ZGPAT: variants seen among roughly 807,000 people sequenced by gnomAD.
The protein encoded by ZGPAT is zinc finger CCCH-type with G patch domain-containing protein.
Under a neutral mutation model 47.9 loss-of-function variants are expected in ZGPAT, and 39 were observed. The observed-to-expected ratio is 0.81, with a 90% CI of 0.63 to 1.06. The LOEUF (loss-of-function observed/expected upper bound fraction) is 1.06. Among genes scored for constraint, ZGPAT ranks in the 50% least tolerant of loss-of-function variants. The probability of loss-of-function intolerance (pLI) is 0.00; values close to 1 mark genes in which losing one functional copy is unlikely to be tolerated. For missense variants in ZGPAT, 717 were observed against 681.4 expected (o/e 1.05, Z -0.58); for synonymous variants, 348 against 292.9 (o/e 1.19, Z -1.92).
chr20:63,728,501 C>A (rs1277921084), intron 2 of ZGPAT, among the ~76,000 whole-genome samples: 4 of 152,138 alleles, frequency 2.6e-5, no homozygotes, highest in African/African-American at 9.7e-5. Context: ...TCAGCCAGCC[C>A]CTCTCTCTTT....
At chr20:63,731,950 C>T (rs1213887032) in intron 2 of ZGPAT, among the ~76,000 whole-genome samples, 5 of 152,188 alleles carry the variant, frequency 3.3e-5, no homozygotes, top group South Asian at 2.1e-4. Context: ...TATGCAAACA[C>T]TATGTCATTA....
chr20:63,714,709 C>G (rs796902181), intron 2 of ZGPAT, among the ~76,000 whole-genome samples: 24 of 152,060 alleles, frequency 1.6e-4, no homozygotes, highest in African/African-American at 5.8e-4. Flanking sequence ...GTGGCATGAT[C>G]ATGGCTCACT....
intron 2 of ZGPAT, among the ~76,000 whole-genome samples, chr20:63,714,427 T>TAA (rs553069740): frequency 6.7e-5 from 9 of 133,436 alleles, no homozygotes; most frequent in Non-Finnish European, 9.5e-5. Flanking sequence ...ACCCTGTCTT[T>TAA]AAAAAAAAAA....
rs1476825238 is a variant in ZGPAT, at chr20:63,732,703, CAT to C, written c.585-515_585-514del. ...GTGCATGTGTGTATGCATGTGTATA[CAT>C]GTGTACTTGTGTATGTGTATATGTG... On this transcript the variant is annotated intron_variant, in intron 2 of 6. Coordinates refer to ENST00000355969, the MANE Select transcript of ZGPAT (RefSeq NM_181485.3). Among the ~76,000 whole-genome samples the C allele has an allele frequency of 6.1e-5, 9 of 147,458 alleles. No individual in the cohort carries two copies. In the South Asian group the frequency reaches 1.1e-3, roughly 18 times the overall value.
At chr20:63,733,071 CGT>C in intron 2 of ZGPAT, 146 bp from the exon 3 acceptor site, 3 of 994,814 alleles carry the variant, frequency 3.0e-6, no homozygotes, top group East Asian at 5.2e-5. Flanking sequence ...TATGTGTGTG[CGT>C]GAGTGTGTGA....
chr20:63,718,367 G>A (rs2091753594), intron 2 of ZGPAT, among the ~76,000 whole-genome samples: 1 of 151,364 alleles, frequency 6.6e-6, no homozygotes, highest in Non-Finnish European at 1.5e-5. Flanking sequence ...GTCTTGCTCT[G>A]TCGCCCAGGC....
chr20:63,733,079 TGTGA>T lies in ZGPAT; in HGVS notation c.585-138_585-135del, dbSNP rs1489283863. Reference sequence around the variant, plus strand: ...GCGTGTGTATGTGTGTGCGTGAGTGTGTGAGAGTGTGTATGTATACGCACGCGTG... The same window carrying T: ...GCGTGTGTATGTGTGTGCGTGAGTGTGAGTGTGTATGTATACGCACGCGTG... On this transcript the variant is annotated intron_variant, in intron 2 of 6. Transcript: ENST00000355969. The T allele has an allele frequency of 1.1e-5, 12 of 1,069,636 alleles. No homozygotes were observed. In the African/African-American group the frequency reaches 1.3e-4, roughly 11 times the overall value. 66.3% of individuals were successfully genotyped at this position (1,069,636 alleles called of 1,614,324 possible). A position where few individuals can be genotyped will look rare whatever the true frequency, so the allele number is the denominator to read the frequency against.
chr20:63,717,316 ATC>A (rs1209229500), intron 2 of ZGPAT, among the ~76,000 whole-genome samples: 1 of 105,376 alleles, frequency 9.5e-6, no homozygotes, highest in Non-Finnish European at 2.0e-5. Context: ...TTGATTTGAG[ATC>A]TCTTTTTTCT....
At chr20:63,730,970 C>CTG (rs139077471) in intron 2 of ZGPAT, among the ~76,000 whole-genome samples, 189 of 115,096 alleles carry the variant, frequency 1.6e-3, no homozygotes, top group East Asian at 2.8e-3. Context: ...CTCTCTCTCT[C>CTG]TGTGTGTGTG....
chr20:63,733,865 A>T, intron 4 of ZGPAT, 126 bp downstream of exon 4: 1 of 1,327,394 alleles, frequency 7.5e-7, no homozygotes, highest in Non-Finnish European at 1.0e-6. Flanking sequence ...CGAGGGTGCC[A>T]CCTGTGCCTG....
chr20:63,716,301 A>T (rs996498425), intron 2 of ZGPAT, among the ~76,000 whole-genome samples: 13 of 152,182 alleles, frequency 8.5e-5, no homozygotes, highest in African/African-American at 3.1e-4. Flanking sequence ...AAGTGCTGGG[A>T]CTACAGACAT....
intron 4 of ZGPAT, chr20:63,734,432 G>C (rs1045421028): frequency 1.5e-5 from 8 of 546,740 alleles, no homozygotes; most frequent in Non-Finnish European, 2.5e-5. Flanking sequence ...AGAGGGCTGC[G>C]GAGGAGGGGC....
At chr20:63,724,452 C>T (rs2091822766) in intron 2 of ZGPAT, among the ~76,000 whole-genome samples, 1 of 151,114 alleles carries the variant, frequency 6.6e-6, no homozygotes, top group Non-Finnish European at 1.5e-5. Context: ...GAGGCCAAGG[C>T]AGGAGGATCA....
intron 2 of ZGPAT, 81 bp from the exon 3 acceptor site, chr20:63,733,138 G>A: frequency 6.4e-7 from 1 of 1,559,868 alleles, no homozygotes; most frequent in Non-Finnish European, 8.7e-7. Flanking sequence ...ACAGTGCCCA[G>A]GCGGATGGGT....
chr20:63,733,526 G>A, intron 3 of ZGPAT, 61 bp from the exon 4 acceptor site: 2 of 1,613,084 alleles, frequency 1.2e-6, no homozygotes, highest in South Asian at 2.2e-5. Context: ...TGTCCAGGGT[G>A]GTTCCCTTCA....
chr20:63,708,982 G>A lies in ZGPAT; in HGVS notation c.402G>A (p.Val134=), dbSNP rs370031085. The A allele has an allele frequency of 2.5e-6, 4 of 1,613,460 alleles. No individual in the cohort carries two copies. In the African/African-American group the frequency reaches 5.3e-5, roughly 22 times the overall value. ...AGGAAGAGCTGAGTGGGACAAAGGT[G>A]AGCGCGCCCTACTACAGCTCCTGGG... is the stretch of plus-strand genomic sequence containing the variant. ...EDEEELSGTK[V]SAPYYSSWGT... The change falls in exon 2 of 7, where the codon GTG becomes GTA. Residue 134 remains valine (V), a synonymous_variant. Transcript: ENST00000355969.
intron 2 of ZGPAT, among the ~76,000 whole-genome samples, chr20:63,732,636 G>T (rs2145697100): frequency 9.6e-6 from 1 of 104,018 alleles, no homozygotes; most frequent in African/African-American, 3.9e-5. Flanking sequence ...TATGACGTGT[G>T]AGTACATGTG....
intron 6 of ZGPAT, 68 bp downstream of exon 6, chr20:63,735,632 G>C (rs1273382288): frequency 1.3e-6 from 2 of 1,494,032 alleles, no homozygotes; most frequent in East Asian, 2.3e-5. Flanking sequence ...ATACATGCTG[G>C]AGGTCACCTG....
chr20:63,723,060 A>G (rs2091804572), intron 2 of ZGPAT, among the ~76,000 whole-genome samples: 1 of 150,084 alleles, frequency 6.7e-6, no homozygotes, highest in Non-Finnish European at 1.5e-5. Context: ...CCCTCCTCCT[A>G]TGACGTCCTC....
Sources: allele counts gnomAD v4.1 joint callset (sites outside exome capture counted in the v4.1 genomes callset), GRCh38; gene constraint gnomAD v4.1.1; transcripts MANE v1.5; gene names NCBI Gene and HGNC (gene_info 2026-07-23, HGNC 2026-07-21).